CSMD3: variants seen among roughly 807,000 people sequenced by gnomAD.
The protein encoded by CSMD3 is CUB and Sushi multiple domains 3.
CSMD3 carries 177 observed loss-of-function variants against 435.2 expected under a neutral mutation model. That is an observed-to-expected ratio of 0.41 (90% CI 0.36 to 0.46). CSMD3 has a LOEUF of 0.46. Ranked by LOEUF, CSMD3 falls within the 20% of genes least tolerant of loss-of-function variation. The pLI is 0.34. For synonymous variants in CSMD3, 1,656 were observed against 1,520.5 expected (o/e 1.09, Z -2.07); for missense variants, 4,265 against 4,504.6 (o/e 0.95, Z 1.52).
chr8:113,407,551 TAC>T (rs1290520747), intron 1 of CSMD3, among the ~76,000 whole-genome samples: 1 of 151,814 alleles, frequency 6.6e-6, no homozygotes, highest in Non-Finnish European at 1.5e-5. Flanking sequence ...GATACATACA[TAC>T]ACACACACAT....
At chr8:113,201,868 T>C (rs913983524) in intron 3 of CSMD3, among the ~76,000 whole-genome samples, 4 of 152,108 alleles carry the variant, frequency 2.6e-5, no homozygotes, top group African/African-American at 9.7e-5. Context: ...ATTTTTCATT[T>C]ATTTTTCTCT....
chr8:112,711,342 T>C (rs530092119), intron 13 of CSMD3, among the ~76,000 whole-genome samples: 6 of 152,030 alleles, frequency 3.9e-5, no homozygotes, highest in African/African-American at 9.6e-5. Context: ...AACAAGCGCA[T>C]TGCGATTTAC....
At chr8:112,607,659 T>C (rs7816020) in intron 22 of CSMD3, among the ~76,000 whole-genome samples, 7,734 of 152,236 alleles carry the variant, frequency 0.051, 250 homozygotes, top group African/African-American at 0.097. Flanking sequence ...TTCAGTTTAC[T>C]GTACAGATAC....
chr8:113,150,362 T>A (rs1404052762), intron 4 of CSMD3, among the ~76,000 whole-genome samples: 1 of 151,992 alleles, frequency 6.6e-6, no homozygotes, highest in Admixed American at 6.6e-5. Context: ...CAGCAGATCC[T>A]CTACTGTTGA....
intron 32 of CSMD3, among the ~76,000 whole-genome samples, chr8:112,456,070 A>C (rs1428140387): frequency 5.3e-5 from 8 of 152,172 alleles, no homozygotes; most frequent in Admixed American, 5.2e-4. Context: ...ACATCCAGAC[A>C]ACACATAATT....
chr8:112,228,143 C>T (rs928316316), intron 70 of CSMD3, among the ~76,000 whole-genome samples: 2 of 151,996 alleles, frequency 1.3e-5, no homozygotes, highest in Non-Finnish European at 2.9e-5. Context: ...GGGATTGTCC[C>T]AAATAGTGGG....
intron 32 of CSMD3, among the ~76,000 whole-genome samples, chr8:112,448,048 C>G (rs1370541530): frequency 2.6e-5 from 4 of 152,104 alleles, no homozygotes; most frequent in Non-Finnish European, 5.9e-5. Context: ...GGCTGCCATA[C>G]AAAATGCCAT....
intron 1 of CSMD3, among the ~76,000 whole-genome samples, chr8:113,328,897 T>C (rs2094005733): frequency 1.3e-5 from 2 of 151,486 alleles, no homozygotes; most frequent in Non-Finnish European, 1.5e-5. Flanking sequence ...TGCTCCACCA[T>C]GCACAGCTAA....
intron 4 of CSMD3, among the ~76,000 whole-genome samples, chr8:113,138,007 C>G (rs550958639): frequency 6.6e-6 from 1 of 151,542 alleles, no homozygotes; most frequent in Non-Finnish European, 1.5e-5. Flanking sequence ...CTTAACATTT[C>G]TGAAGATATA....
chr8:112,583,329 C>A (rs1830474211), intron 23 of CSMD3, among the ~76,000 whole-genome samples: 1 of 98,280 alleles, frequency 1.0e-5, no homozygotes, highest in Non-Finnish European at 2.1e-5. Context: ...ATTAGTCATT[C>A]AAGTGGAAAT....
At chr8:113,216,957 A>G (rs1191168625) in intron 3 of CSMD3, among the ~76,000 whole-genome samples, 1 of 151,892 alleles carries the variant, frequency 6.6e-6, no homozygotes, top group African/African-American at 2.4e-5. Context: ...AAAGCCTCTC[A>G]ATAAATGGCA....
At chr8:113,366,486 T>C (rs2094312355) in intron 1 of CSMD3, among the ~76,000 whole-genome samples, 1 of 152,078 alleles carries the variant, frequency 6.6e-6, no homozygotes, top group Non-Finnish European at 1.5e-5. Flanking sequence ...TTTTATACAA[T>C]AATTTTAATT....
intron 35 of CSMD3, among the ~76,000 whole-genome samples, chr8:112,396,093 T>C (rs1027917372): frequency 9.9e-5 from 15 of 152,142 alleles, no homozygotes; most frequent in Non-Finnish European, 1.6e-4. Flanking sequence ...AGTTTAGTTT[T>C]AGTATGTCAG....
Position 113,129,808 on chromosome 8 carries a change from A to G in CSMD3, c.710-30845T>C, listed in dbSNP as rs557303353. 3.8e-3 allele frequency among the ~76,000 whole-genome samples: 584 copies of G among 152,206 alleles called. 8 individuals carry two copies. The highest frequency in any genetic ancestry group is 0.014 in the African/African-American group (563 of 41,542). On this transcript the variant is annotated intron_variant, in intron 4 of 70. Transcript: ENST00000297405. ...GAGGATGATGCTGAAGAGGTATCTC[A>G]GGTGATTCTGACCACATAATGAAAC...
At chr8:113,134,805 T>C (rs2091373194) in intron 4 of CSMD3, among the ~76,000 whole-genome samples, 1 of 152,022 alleles carries the variant, frequency 6.6e-6, no homozygotes, top group Non-Finnish European at 1.5e-5. Context: ...ATTTAACTCA[T>C]GATTCTGGTA....
At chr8:113,390,476 A>T (rs926634288) in intron 1 of CSMD3, among the ~76,000 whole-genome samples, 9 of 152,038 alleles carry the variant, frequency 5.9e-5, no homozygotes, top group Admixed American at 5.9e-4. Context: ...CTTCCTGATT[A>T]TCTTCATTAC....
chr8:112,360,814 A>T (rs1027690098), intron 38 of CSMD3, among the ~76,000 whole-genome samples: 3 of 151,934 alleles, frequency 2.0e-5, no homozygotes, highest in African/African-American at 4.8e-5. Context: ...TGTGTTAGGG[A>T]AGAAAATAAT....
intron 3 of CSMD3, among the ~76,000 whole-genome samples, chr8:113,201,689 G>A (rs1297668166): frequency 1.3e-5 from 2 of 151,932 alleles, no homozygotes; most frequent in Non-Finnish European, 2.9e-5. Context: ...ATTGTGCAGA[G>A]ACAGCATGTG....
chr8:113,279,471 A>T (rs2093596332), intron 2 of CSMD3, among the ~76,000 whole-genome samples: 1 of 151,644 alleles, frequency 6.6e-6, no homozygotes, highest in African/African-American at 2.4e-5. Context: ...AGTTGTATTA[A>T]ATAATATTTG....
Sources: gnomAD v4.1 joint callset for allele counts (sites outside exome capture counted in the v4.1 genomes callset) on GRCh38, gnomAD v4.1.1 for gene constraint, MANE v1.5 for transcripts, NCBI Gene and HGNC (gene_info 2026-07-23, HGNC 2026-07-21) for gene names.